Variants in FOXO1 observed in about 807,000 individuals in gnomAD.
FOXO1 encodes the protein forkhead box protein O1.
FOXO1 carries 6 observed loss-of-function variants against 44.1 expected under a neutral mutation model. That is an observed-to-expected ratio of 0.14 (90% CI 0.07 to 0.27). FOXO1 has a LOEUF of 0.27. Ranked by LOEUF, FOXO1 falls within the 10% of genes least tolerant of loss-of-function variation. The pLI is 1.00. For missense variants in FOXO1, 737 were observed against 888.8 expected (o/e 0.83, Z 2.17); for synonymous variants, 380 against 362.7 (o/e 1.05, Z -0.54).
intron 1 of FOXO1, chr13:40,621,408 T>C (rs762884438): frequency 3.2e-5 from 9 of 281,394 alleles, no homozygotes; most frequent in East Asian, 1.9e-4. Context: ...TCAAGCATTG[T>C]TTTGCTGAGT....
intron 1 of FOXO1, chr13:40,618,790 A>G: frequency 1.9e-6 from 1 of 518,762 alleles, no homozygotes. Flanking sequence ...ACCTTATCTC[A>G]AGACCGTAAT....
At chr13:40,587,360 C>T (rs1293884872) in intron 1 of FOXO1, among the ~76,000 whole-genome samples, 1 of 151,644 alleles carries the variant, frequency 6.6e-6, no homozygotes, top group African/African-American at 2.4e-5. Context: ...ATTGATTATC[C>T]GTGAAAGGAA....
intron 1 of FOXO1, among the ~76,000 whole-genome samples, chr13:40,657,074 C>G (rs1877882160): frequency 6.6e-6 from 1 of 152,100 alleles, no homozygotes; most frequent in African/African-American, 2.4e-5. Context: ...ACTTCGCACT[C>G]AGAGAAACTG....
At chr13:40,563,286 GAA>G (rs1476202616) in intron 1 of FOXO1, among the ~76,000 whole-genome samples, 2 of 152,216 alleles carry the variant, frequency 1.3e-5, no homozygotes, top group Non-Finnish European at 2.9e-5. Context: ...AACTGGGAGA[GAA>G]GTCTTCTCTC....
At chr13:40,561,746 A>C (rs1425944012) in intron 1 of FOXO1, among the ~76,000 whole-genome samples, 1 of 152,160 alleles carries the variant, frequency 6.6e-6, no homozygotes, top group African/African-American at 2.4e-5. Flanking sequence ...AGGCAGGCAG[A>C]TCACCTGAGG....
intron 1 of FOXO1, among the ~76,000 whole-genome samples, chr13:40,597,230 C>A: frequency 6.6e-6 from 1 of 152,168 alleles, no homozygotes; most frequent in East Asian, 1.9e-4. Flanking sequence ...CCACCATAAC[C>A]CCAGAATGTA....
chr13:40,619,697 C>T (rs1876545284), intron 1 of FOXO1: 2 of 1,254,742 alleles, frequency 1.6e-6, no homozygotes, highest in East Asian at 4.6e-5. Context: ...ACTAGGCTTG[C>T]TTCAAGGGGG....
intron 1 of FOXO1, chr13:40,611,165 A>G: frequency 2.5e-6 from 1 of 407,694 alleles, no homozygotes; most frequent in Non-Finnish European, 4.9e-6. Context: ...TATTCTCAGA[A>G]CAATGAGTTT....
intron 1 of FOXO1, among the ~76,000 whole-genome samples, chr13:40,631,970 C>CA (rs1393074123): frequency 3.3e-5 from 5 of 151,774 alleles, no homozygotes; most frequent in South Asian, 2.1e-4. Context: ...ACACTACCTC[C>CA]AAAAAAAATG....
chr13:40,627,269 T>C (rs758154465), intron 1 of FOXO1, among the ~76,000 whole-genome samples: 3 of 152,168 alleles, frequency 2.0e-5, no homozygotes, highest in Non-Finnish European at 2.9e-5. Flanking sequence ...CAAACCCAGA[T>C]AGATCACATT....
chr13:40,585,268 C>T (rs949425108), intron 1 of FOXO1, among the ~76,000 whole-genome samples: 1 of 151,830 alleles, frequency 6.6e-6, no homozygotes, highest in Non-Finnish European at 1.5e-5. Context: ...GGAATGTCAA[C>T]CTCACCTTGC....
chr13:40,587,331 TACGAACAG>T (rs1875206028), intron 1 of FOXO1, among the ~76,000 whole-genome samples: 1 of 142,002 alleles, frequency 7.0e-6, no homozygotes, highest in Non-Finnish European at 1.5e-5. Context: ...AAGAAGCAAA[TACGAACAG>T]ATAGTGAAAG....
intron 1 of FOXO1, among the ~76,000 whole-genome samples, chr13:40,616,838 G>A (rs1231853908): frequency 1.3e-5 from 2 of 152,132 alleles, no homozygotes; most frequent in African/African-American, 4.8e-5. Context: ...TAGATCCGGA[G>A]CCAGAGCAAA....
Position 40,582,939 on chromosome 13 carries a change from G to A in FOXO1, c.631-22079C>T, listed in dbSNP as rs369629321. Reference sequence around the variant, plus strand: ...TCTTGAAGATTTTTAATTTTACTTTGCCCAGATCCATCAGAGGAATCACTA... The same window carrying A: ...TCTTGAAGATTTTTAATTTTACTTTACCCAGATCCATCAGAGGAATCACTA... On this transcript the variant is annotated intron_variant, in intron 1 of 2. Coordinates refer to ENST00000379561, the MANE Select transcript of FOXO1 (RefSeq NM_002015.4). 1.2e-4 allele frequency among the ~76,000 whole-genome samples: 19 copies of A among 152,122 alleles called. No individual in the cohort carries two copies. In the East Asian group the frequency reaches 1.5e-3, roughly 12 times the overall value.
rs1280241920 is a variant in FOXO1, at chr13:40,560,628, G to T, written c.863C>A (p.Pro288His). The T allele has an allele frequency of 1.2e-6, 2 of 1,614,178 alleles. No individual in the cohort carries two copies. Among genetic ancestry groups the T allele is most frequent in the East Asian group, 2.2e-5 (1 of 44,876 alleles). The part of the protein sequence containing the change: ...QSGQEGAGDS[P>H]GSQFSKWPAS... Reference sequence around the variant, plus strand: ...AGGCCATTTGGAAAACTGTGATCCAGGGCTGTCCCCAGCACCCTCCTGGCC... The same window carrying T: ...AGGCCATTTGGAAAACTGTGATCCATGGCTGTCCCCAGCACCCTCCTGGCC... Residue 288 changes from proline (P) to histidine (H), a missense_variant, in exon 2 of 3, where the codon CCT becomes CAT. Coordinates refer to ENST00000379561, the MANE Select transcript of FOXO1 (RefSeq NM_002015.4). This position sits in a 1 kb window ranked among gnomAD's most constrained non-coding sequence, Gnocchi z 5.1.
At chr13:40,613,746 G>C (rs1876318222) in intron 1 of FOXO1, among the ~76,000 whole-genome samples, 1 of 152,190 alleles carries the variant, frequency 6.6e-6, no homozygotes, top group African/African-American at 2.4e-5. Context: ...ACAAGCGTGA[G>C]CCACACCAGA....
chr13:40,584,702 A>G (rs112823264), intron 1 of FOXO1, among the ~76,000 whole-genome samples: 1,941 of 152,246 alleles, frequency 0.013, 52 homozygotes, highest in African/African-American at 0.043. Flanking sequence ...TACAGAGACA[A>G]TAAGATTTCT....
At chr13:40,573,583 T>C (rs112826486) in intron 1 of FOXO1, among the ~76,000 whole-genome samples, 206 of 152,372 alleles carry the variant, frequency 1.4e-3, no homozygotes, top group African/African-American at 4.8e-3. Context: ...AAATATTAAA[T>C]GTTTTATTCT....
At chr13:40,620,176 T>A (rs1229468730) in intron 1 of FOXO1, 44 of 1,554,512 alleles carry the variant, frequency 2.8e-5, no homozygotes, top group Non-Finnish European at 3.8e-5. Flanking sequence ...AGAAGAAGAA[T>A]CCAGCAGATC....
Sources: gnomAD v4.1 joint callset for allele counts (sites outside exome capture counted in the v4.1 genomes callset) on GRCh38, gnomAD v4.1.1 for gene constraint, Gnocchi (gnomAD v3.1) non-coding constraint, MANE v1.5 for transcripts, NCBI Gene and HGNC (gene_info 2026-07-23, HGNC 2026-07-21) for gene names.